Variants in ARHGAP21 observed in about 807,000 individuals in gnomAD.
ARHGAP21 encodes Rho GTPase activating protein 21, also known as rho GTPase-activating protein 21.
In ARHGAP21, 38 loss-of-function variants were observed where a neutral mutation model predicts 164.6. The observed-to-expected ratio is 0.23, with a 90% confidence interval of 0.18 to 0.30. The LOEUF (loss-of-function observed/expected upper bound fraction) is 0.30. Among genes scored for constraint, ARHGAP21 ranks in the 10% least tolerant of loss-of-function variants. ARHGAP21 has a pLI of 1.00. For synonymous variants in ARHGAP21, 766 were observed against 857.9 expected, an observed-to-expected ratio of 0.89 and a Z score of 1.87; for missense variants, 1,822 against 2,370.7, an observed-to-expected ratio of 0.77 and a Z score of 4.81.
chr10:24,700,988 G>A (rs1406017779), intron 2 of ARHGAP21, among the ~76,000 whole-genome samples: 2 of 152,108 alleles, frequency 1.3e-5, no homozygotes, highest in African/African-American at 4.8e-5. Flanking sequence ...AAGAATTTAA[G>A]GTACCTTAAG....
chr10:24,600,972 T>A (rs3748221), intron 13 of ARHGAP21, 42 bp from the exon 14 acceptor site: 7 of 1,581,914 alleles, frequency 4.4e-6, no homozygotes, highest in African/African-American at 2.7e-5. Flanking sequence ...AATATTTGGC[T>A]AAATCTTTGT....
At chr10:24,647,943 T>G (rs1023450442) in intron 4 of ARHGAP21, among the ~76,000 whole-genome samples, 5 of 152,308 alleles carry the variant, frequency 3.3e-5, no homozygotes, top group South Asian at 4.1e-4. Flanking sequence ...GTTCAAGTGA[T>G]TCTCCTGCCT....
intron 12 of ARHGAP21, among the ~76,000 whole-genome samples, chr10:24,602,688 C>T (rs937968403): frequency 6.6e-6 from 1 of 152,102 alleles, no homozygotes; most frequent in African/African-American, 2.4e-5. Flanking sequence ...AGTGATGAAT[C>T]GGGGGAGTAA....
intron 2 of ARHGAP21, 150 bp downstream of exon 2, chr10:24,721,687 G>T: frequency 1.3e-6 from 1 of 784,494 alleles, no homozygotes; most frequent in Non-Finnish European, 2.1e-6. Context: ...GCTTCTCCTC[G>T]CTACTGGTTA....
At chr10:24,690,852 A>G (rs1214591528) in intron 2 of ARHGAP21, among the ~76,000 whole-genome samples, 2 of 150,766 alleles carry the variant, frequency 1.3e-5, no homozygotes, top group Non-Finnish European at 2.9e-5. Context: ...ATATATATAT[A>G]TACACATATA....
At chr10:24,603,509 T>A (rs1003606112) in intron 12 of ARHGAP21, among the ~76,000 whole-genome samples, 1 of 152,072 alleles carries the variant, frequency 6.6e-6, no homozygotes, top group Non-Finnish European at 1.5e-5. Flanking sequence ...TATTTTAATG[T>A]AGGAAATAGA....
intron 4 of ARHGAP21, among the ~76,000 whole-genome samples, chr10:24,651,524 T>C (rs1477123890): frequency 2.0e-5 from 3 of 152,176 alleles, no homozygotes; most frequent in African/African-American, 4.8e-5. Flanking sequence ...AATTATCAGA[T>C]CAAGGCCTGA....
intron 25 of ARHGAP21, among the ~76,000 whole-genome samples, chr10:24,587,019 G>A (rs2076131800): frequency 6.6e-6 from 1 of 152,136 alleles, no homozygotes; most frequent in African/African-American, 2.4e-5. Context: ...CAGCCTGGGT[G>A]ACAGAGTGAG....
intron 4 of ARHGAP21, among the ~76,000 whole-genome samples, chr10:24,666,064 CT>C (rs1356717584): frequency 1.3e-5 from 2 of 152,208 alleles, no homozygotes; most frequent in African/African-American, 4.8e-5. Flanking sequence ...GAGTCTCGCC[CT>C]GTCCCCCAGG....
chr10:24,655,338 A>G (rs1380856723), intron 4 of ARHGAP21, among the ~76,000 whole-genome samples: 1 of 152,256 alleles, frequency 6.6e-6, no homozygotes, highest in African/African-American at 2.4e-5. Flanking sequence ...CAGACAATCT[A>G]CAGAATGGGA....
intron 7 of ARHGAP21, among the ~76,000 whole-genome samples, chr10:24,627,391 A>T (rs1341049963): frequency 6.6e-6 from 1 of 152,244 alleles, no homozygotes; most frequent in African/African-American, 2.4e-5. Flanking sequence ...TAACTCTGGA[A>T]TATATGTTAG....
At chr10:24,629,527 A>G (rs1387995756) in intron 7 of ARHGAP21, 1 of 159,204 alleles carries the variant, frequency 6.3e-6, no homozygotes, top group Non-Finnish European at 1.4e-5. Context: ...TGCTTGGTGA[A>G]TTTACAAACG....
At chr10:24,675,927 C>T (rs1416669045) in intron 2 of ARHGAP21, among the ~76,000 whole-genome samples, 1 of 152,148 alleles carries the variant, frequency 6.6e-6, no homozygotes, top group Non-Finnish European at 1.5e-5. Context: ...GCAGGCAGAT[C>T]ACCTGAGGTC....
In ARHGAP21 at chr10:24,586,080, C is replaced by T; in HGVS notation, c.4209G>A (p.Gln1403=). The change falls in exon 26 of 26, where the codon CAG becomes CAA. Residue 1403 remains glutamine (Q), a synonymous_variant. Coordinates refer to ENST00000396432, the MANE Select transcript of ARHGAP21 (RefSeq NM_020824.4). The stretch of plus-strand genomic sequence containing the variant: ...AGGACACAAGCAGTTCCCTGCTATA[C>T]TGATCCTTTCCAGATCCCCAAGAAC... ...SKGSWGSGKD[Q]YSRELLVSSI... is the part of the protein sequence containing the mutation. 6.2e-7 allele frequency: 1 copy of T among 1,604,448 alleles called. No individual in the cohort carries two copies. The highest frequency in any genetic ancestry group is 8.5e-7 in the Non-Finnish European group (1 of 1,176,702).
intron 2 of ARHGAP21, among the ~76,000 whole-genome samples, chr10:24,692,514 A>G (rs551580308): frequency 2.0e-5 from 3 of 152,238 alleles, no homozygotes; most frequent in African/African-American, 4.8e-5. Flanking sequence ...CAAAAGTTGG[A>G]AACAACCCAA....
intron 14 of ARHGAP21, among the ~76,000 whole-genome samples, chr10:24,598,437 T>C (rs1461363467): frequency 2.0e-5 from 3 of 152,218 alleles, no homozygotes; most frequent in Non-Finnish European, 4.4e-5. Context: ...GAAAACAGAC[T>C]GCCAGAATTT....
intron 9 of ARHGAP21, among the ~76,000 whole-genome samples, chr10:24,611,852 G>A (rs1382850330): frequency 2.0e-5 from 3 of 152,182 alleles, no homozygotes; most frequent in Admixed American, 6.5e-5. Context: ...CTTGGCAGGA[G>A]CTAATTTGAA....
rs146376457 is a variant in ARHGAP21, at chr10:24,703,994, G to A, written c.63+17843C>T. On this transcript the variant is annotated intron_variant, in intron 2 of 25. Transcript: ENST00000396432. ...CATCAACATTTAAAAATTAGGACACGTTAACATGAAAATTCAAATTTTCAG... is the reference window on the plus strand; with the variant it reads ...CATCAACATTTAAAAATTAGGACACATTAACATGAAAATTCAAATTTTCAG... 6.0e-3 allele frequency among the ~76,000 whole-genome samples: 907 copies of A among 152,228 alleles called. 10 individuals are homozygous for A. The highest frequency in any genetic ancestry group is 0.021 in the African/African-American group (869 of 41,552).
At chr10:24,720,808 T>C (rs1845849364) in intron 2 of ARHGAP21, among the ~76,000 whole-genome samples, 1 of 152,176 alleles carries the variant, frequency 6.6e-6, no homozygotes, top group Admixed American at 6.5e-5. Flanking sequence ...TGAGGGTTCA[T>C]TTGGGTATGT....
Sources: allele counts gnomAD v4.1 joint callset (sites outside exome capture counted in the v4.1 genomes callset), GRCh38; gene constraint gnomAD v4.1.1; transcripts MANE v1.5; gene names NCBI Gene and HGNC (gene_info 2026-07-23, HGNC 2026-07-21).